Variants in KCNQ1 observed in about 807,000 individuals in gnomAD.
KCNQ1 encodes potassium voltage-gated channel subfamily Q member 1, also known as potassium voltage-gated channel subfamily KQT member 1.
KCNQ1 carries 49 observed loss-of-function variants against 72.4 expected under a neutral mutation model. The ratio of observed to expected loss-of-function variants is 0.68; its 90% CI spans 0.54 to 0.86. The LOEUF is 0.86. Among genes scored for constraint, KCNQ1 ranks in the 40% least tolerant of loss-of-function variants. KCNQ1 has a pLI of 0.00. For missense variants in KCNQ1, 790 were observed against 945.1 expected, an observed-to-expected ratio of 0.84 and a Z score of 2.15; for synonymous variants, 450 against 412.6, an observed-to-expected ratio of 1.09 and a Z score of -1.10.
In KCNQ1 at chr11:2,778,053, G is replaced by A. The variant is rs199660137; in HGVS notation, c.1794+16G>A. On this transcript the variant is annotated intron_variant, in intron 15 of 15. Coordinates refer to ENST00000155840, the MANE Select transcript of KCNQ1 (RefSeq NM_000218.3). ...AGAAGACAAGGTAGGCTCACGCGCC[G>A]GCCTGCGGTGGTTCTGGTTAGCGTC... The A allele has an allele frequency of 6.1e-5, 99 of 1,612,638 alleles. 2 individuals are homozygous for A. In the South Asian group the frequency reaches 8.5e-4, roughly 14 times the overall value.
At chr11:2,555,916 G>A (rs1359121542) in intron 2 of KCNQ1, among the ~76,000 whole-genome samples, 1 of 152,194 alleles carries the variant, frequency 6.6e-6, no homozygotes, top group East Asian at 1.9e-4. Context: ...GAAGCTTCAG[G>A]CCCTGAGGCC....
At position 2,766,658 on chromosome 11, in the gene KCNQ1, C is replaced by T. The variant is rs1215694854; in HGVS notation, c.1515-2186C>T. On this transcript the variant is annotated intron_variant, in intron 11 of 15. Coordinates refer to ENST00000155840, the MANE Select transcript of KCNQ1 (RefSeq NM_000218.3). The surrounding 1 kb of genome is among the most constrained non-coding windows in gnomAD (Gnocchi z 4.4). ...TCTCCCCTATGCAAAATTCACTCAC[C>T]CCCCTCCCGACGATACCTAAAATTC... Among the ~76,000 whole-genome samples, 1 of 152,140 alleles carries T rather than the reference C, an allele frequency of 6.6e-6. No homozygotes were observed. Among genetic ancestry groups the T allele is most frequent in the African/African-American group, 2.4e-5 (1 of 41,424 alleles).
intron 1 of KCNQ1, among the ~76,000 whole-genome samples, chr11:2,519,383 A>G (rs1022551534): frequency 3.7e-4 from 57 of 152,352 alleles, no homozygotes; most frequent in African/African-American, 1.3e-3. Context: ...TTCAGATGCA[A>G]TTCCATTAAG....
In KCNQ1 at chr11:2,538,902, T is replaced by C. The variant is rs958303157; in HGVS notation, c.477+10884T>C. Among the ~76,000 whole-genome samples the C allele has an allele frequency of 6.6e-6, 1 of 151,990 alleles. No homozygotes were observed. ...CTTCTCCAAAAACACGTAACCCGATTCTGTCCAAGCGATTTGTGAGAATGG... is the reference window on the plus strand; with the variant it reads ...CTTCTCCAAAAACACGTAACCCGATCCTGTCCAAGCGATTTGTGAGAATGG... On this transcript the variant is annotated intron_variant, in intron 2 of 15. Transcript: ENST00000155840. This position sits in a 1 kb window ranked among gnomAD's most constrained non-coding sequence, Gnocchi z 6.7.
Position 2,698,230 on chromosome 11 carries a change from A to G in KCNQ1, c.1514+36149A>G, listed in dbSNP as rs1407323720. The G allele has an allele frequency of 5.0e-6, 2 of 398,558 alleles. No individual in the cohort carries two copies. Among genetic ancestry groups the G allele is most frequent in the Non-Finnish European group, 8.8e-6 (2 of 226,080 alleles). 24.7% of individuals were successfully genotyped at this position (398,558 alleles called of 1,614,324 possible). On this transcript the variant is annotated intron_variant, in intron 11 of 15. Transcript: ENST00000155840. This position sits in a 1 kb window ranked among gnomAD's most constrained non-coding sequence, Gnocchi z 5.1. Reference sequence around the variant, plus strand: ...ACTGGTAAATGCACATCAAATGTGGATATTATCAGGAAAGTTTTTATACTT... The same window carrying G: ...ACTGGTAAATGCACATCAAATGTGGGTATTATCAGGAAAGTTTTTATACTT...
intron 15 of KCNQ1, among the ~76,000 whole-genome samples, chr11:2,806,171 G>T (rs1847369506): frequency 6.6e-6 from 1 of 152,318 alleles, no homozygotes; most frequent in Non-Finnish European, 1.5e-5. Context: ...CGTGTCTCTG[G>T]AGGGTGGACT....
chr11:2,487,303 G>A (rs997883163), intron 1 of KCNQ1, among the ~76,000 whole-genome samples: 3 of 152,200 alleles, frequency 2.0e-5, no homozygotes, highest in African/African-American at 4.8e-5. Context: ...AAATCAGAAA[G>A]TGTTAGGCTT....
At position 2,620,535 on chromosome 11, in the gene KCNQ1, G is replaced by A. The variant is rs1416485462; in HGVS notation, c.1393+31681G>A. On this transcript the variant is annotated intron_variant, in intron 10 of 15. Transcript: ENST00000155840. The surrounding 1 kb of genome is among the most constrained non-coding windows in gnomAD (Gnocchi z 4.5). ...CTGGCCGAATTCATTCATTTTTATG[G>A]CTGCATAGTATTCCATGGTGTACAT... 2 of 393,484 alleles carry A rather than the reference G, an allele frequency of 5.1e-6. No individual in the cohort carries two copies. Among genetic ancestry groups the A allele is most frequent in the Admixed American group, 4.4e-5 (1 of 22,510 alleles). The allele number at this position is 393,484 out of a possible 1,614,324, so 24.4% of individuals were successfully genotyped here. A position where few individuals can be genotyped will look rare whatever the true frequency, so the allele number is the denominator to read the frequency against.
intron 10 of KCNQ1, chr11:2,640,109 C>A (rs924380121): frequency 3.4e-6 from 1 of 290,134 alleles, no homozygotes; most frequent in African/African-American, 2.2e-5. Flanking sequence ...GTCTGTCACC[C>A]CTTCCGTTGG....
chr11:2,756,448 A>AAAC (rs1846299616), intron 11 of KCNQ1, among the ~76,000 whole-genome samples: 1 of 152,000 alleles, frequency 6.6e-6, no homozygotes, highest in South Asian at 2.1e-4. Context: ...AATTAAAAAA[A>AAAC]AAAAAAAAAA....
chr11:2,758,257 G>A (rs1846335495), intron 11 of KCNQ1, among the ~76,000 whole-genome samples: 1 of 152,122 alleles, frequency 6.6e-6, no homozygotes, highest in Non-Finnish European at 1.5e-5. Context: ...GACACGAAGA[G>A]ACATTTCACC....
chr11:2,673,865 A>G lies in KCNQ1; in HGVS notation c.1514+11784A>G. The G allele has an allele frequency of 2.5e-6, 1 of 398,582 alleles. No homozygotes were observed. Among genetic ancestry groups the G allele is most frequent in the Non-Finnish European group, 4.4e-6 (1 of 226,142 alleles). The allele number at this position is 398,582 out of a possible 1,614,324, so 24.7% of individuals were successfully genotyped here. ...GAGTCAAGGTTGGATATGAAGAGGG[A>G]CTTCCTGAAAGCAGGCACAGGAAGG... On this transcript the variant is annotated intron_variant, in intron 11 of 15. Transcript: ENST00000155840. The surrounding 1 kb of genome is among the most constrained non-coding windows in gnomAD (Gnocchi z 4.5).
chr11:2,648,223 C>T, intron 10 of KCNQ1: 1 of 398,480 alleles, frequency 2.5e-6, no homozygotes, highest in Non-Finnish European at 4.4e-6. Context: ...GGGGGGAGGC[C>T]TCATTTCATT....
chr11:2,782,315 T>A lies in KCNQ1; in HGVS notation c.1794+4278T>A, dbSNP rs1160265941. 6.6e-6 allele frequency among the ~76,000 whole-genome samples: 1 copy of A among 152,230 alleles called. No individual in the cohort carries two copies. Among genetic ancestry groups the A allele is most frequent in the African/African-American group, 2.4e-5 (1 of 41,460 alleles). On this transcript the variant is annotated intron_variant, in intron 15 of 15. Coordinates refer to ENST00000155840, the MANE Select transcript of KCNQ1 (RefSeq NM_000218.3). The surrounding 1 kb of genome is among the most constrained non-coding windows in gnomAD (Gnocchi z 6.1). ...AATCCTTCACATTGTATATTATTTC[T>A]TAAACACTGCTGAAATCTCACTTAC...
Position 2,627,905 on chromosome 11 carries a change from C to A in KCNQ1, c.1394-34056C>A. ...AGCTGGGACCACAGTCATGCACCCC[C>A]ATGCCCAGCTAATTTTTAAAATTTT... On this transcript the variant is annotated intron_variant, in intron 10 of 15. Coordinates refer to ENST00000155840, the MANE Select transcript of KCNQ1 (RefSeq NM_000218.3). This position sits in a 1 kb window ranked among gnomAD's most constrained non-coding sequence, Gnocchi z 4.9. The A allele has an allele frequency of 2.5e-6, 1 of 398,650 alleles. No individual in the cohort carries two copies. Among genetic ancestry groups the A allele is most frequent in the South Asian group, 1.3e-4 (1 of 7,834 alleles). 24.7% of individuals were successfully genotyped at this position (398,650 alleles called of 1,614,324 possible).
Position 2,611,557 on chromosome 11 carries a change from G to A in KCNQ1, c.1393+22703G>A, listed in dbSNP as rs953411391. 3.5e-5 allele frequency: 14 copies of A among 398,358 alleles called. No homozygotes were observed. Among genetic ancestry groups the A allele is most frequent in the Non-Finnish European group, 6.2e-5 (14 of 226,074 alleles). 24.7% of individuals were successfully genotyped at this position (398,358 alleles called of 1,614,324 possible). A position where few individuals can be genotyped will look rare whatever the true frequency, so the allele number is the denominator to read the frequency against. On this transcript the variant is annotated intron_variant, in intron 10 of 15. Coordinates refer to ENST00000155840, the MANE Select transcript of KCNQ1 (RefSeq NM_000218.3). The surrounding 1 kb of genome is among the most constrained non-coding windows in gnomAD (Gnocchi z 5.3). ...CAGTCACTCTAGCTTTCTTATTACT[G>A]TTTGCATGTCATCTTTTTCCATCAT...
In KCNQ1 at chr11:2,558,747, A is replaced by C. The variant is rs965191090; in HGVS notation, c.478-11881A>C. Among the ~76,000 whole-genome samples the C allele has an allele frequency of 2.6e-5, 4 of 152,134 alleles. No homozygotes were observed. In the South Asian group the frequency reaches 8.3e-4, roughly 31 times the overall value. On this transcript the variant is annotated intron_variant, in intron 2 of 15. Coordinates refer to ENST00000155840, the MANE Select transcript of KCNQ1 (RefSeq NM_000218.3). ...GGCCCCCGTAAGGCACCGGCAGTACATGTGAAATTAAAATTACTGAGAGGC... is the reference window on the plus strand; with the variant it reads ...GGCCCCCGTAAGGCACCGGCAGTACCTGTGAAATTAAAATTACTGAGAGGC...
chr11:2,521,271 C>G (rs1220987039), intron 1 of KCNQ1, among the ~76,000 whole-genome samples: 2 of 152,118 alleles, frequency 1.3e-5, no homozygotes, highest in Non-Finnish European at 2.9e-5. Context: ...TCCGTCCTCC[C>G]CATGTCCACA....
chr11:2,513,131 G>A (rs965998721), intron 1 of KCNQ1, among the ~76,000 whole-genome samples: 5 of 152,094 alleles, frequency 3.3e-5, no homozygotes, highest in African/African-American at 1.2e-4. Flanking sequence ...GGTCTTGTCT[G>A]GGGGGAATCC....
Sources: allele counts gnomAD v4.1 joint callset (sites outside exome capture counted in the v4.1 genomes callset), GRCh38; gene constraint gnomAD v4.1.1; non-coding constraint Gnocchi (gnomAD v3.1); transcripts MANE v1.5; gene names NCBI Gene and HGNC (gene_info 2026-07-23, HGNC 2026-07-21).